TAS2R1: variants seen among roughly 807,000 people sequenced by gnomAD.
The protein encoded by TAS2R1 is taste receptor type 2 member 1.
For missense variants in TAS2R1, 370 were observed against 353.4 expected, an observed-to-expected ratio of 1.05 and a Z score of -0.38; for synonymous variants, 141 against 134.2, an observed-to-expected ratio of 1.05 and a Z score of -0.35.
At chr5:9,869,523 G>A in the TAS2R1 span, among the ~76,000 whole-genome samples, 87 of 152,276 alleles carry the variant, frequency 5.7e-4, 2 homozygotes, top group East Asian at 6.0e-3. Context: ...GATTATGAGA[G>A]CTACAATTCA....
the TAS2R1 span, among the ~76,000 whole-genome samples, chr5:9,782,201 G>A: frequency 6.6e-6 from 1 of 152,318 alleles, no homozygotes; most frequent in East Asian, 1.9e-4. Context: ...GCAAATACTT[G>A]TTGGGGACTT....
chr5:9,794,014 T>C, the TAS2R1 span, among the ~76,000 whole-genome samples: 10 of 152,230 alleles, frequency 6.6e-5, 1 homozygote, highest in South Asian at 2.1e-3. Flanking sequence ...AATTAATACT[T>C]TGTGTTGAAT....
chr5:9,696,132 T>TC (rs199748313), intron 1 of TAS2R1, among the ~76,000 whole-genome samples: 1 of 151,998 alleles, frequency 6.6e-6, no homozygotes, highest in African/African-American at 2.4e-5. Flanking sequence ...GAGTCAATAT[T>TC]CAAAAAAAAA....
At chr5:9,650,156 T>C (rs1243463281) in intron 2 of TAS2R1, among the ~76,000 whole-genome samples, 4 of 152,158 alleles carry the variant, frequency 2.6e-5, no homozygotes, top group African/African-American at 4.8e-5. Context: ...AAGAATACAA[T>C]AGAAAAATTT....
intron 1 of TAS2R1, among the ~76,000 whole-genome samples, chr5:9,696,558 T>C (rs1164283883): frequency 6.6e-6 from 1 of 151,384 alleles, no homozygotes; most frequent in Non-Finnish European, 1.5e-5. Flanking sequence ...CGAGATGCCA[T>C]CTCAAAAAAT....
intron 1 of TAS2R1, among the ~76,000 whole-genome samples, chr5:9,706,600 C>A (rs991715281): frequency 6.6e-6 from 1 of 152,142 alleles, no homozygotes; most frequent in East Asian, 1.9e-4. Flanking sequence ...TTAAGGGAGA[C>A]AAAACATCAG....
chr5:9,875,084 G>T, the TAS2R1 span, among the ~76,000 whole-genome samples: 2 of 152,190 alleles, frequency 1.3e-5, no homozygotes, highest in Non-Finnish European at 2.9e-5. Context: ...TCTACTGTGT[G>T]CAACAGGGTA....
the TAS2R1 span, among the ~76,000 whole-genome samples, chr5:9,858,592 C>T: frequency 6.6e-6 from 1 of 152,174 alleles, no homozygotes; most frequent in Admixed American, 6.5e-5. Context: ...ATAATCTAAA[C>T]TACATTGTTT....
chr5:9,722,298 T>A, the TAS2R1 span, among the ~76,000 whole-genome samples: 22 of 152,224 alleles, frequency 1.4e-4, no homozygotes, highest in Non-Finnish European at 2.1e-4. Flanking sequence ...GTGCCCAGAT[T>A]CCTGACCCAT....
chr5:9,629,347 G>A lies in TAS2R1; in HGVS notation c.686C>T (p.Ser229Phe). 3 of 1,613,920 alleles carry A rather than the reference G, an allele frequency of 1.9e-6. No individual in the cohort carries two copies. The highest frequency in any genetic ancestry group is 2.5e-6 in the Non-Finnish European group (3 of 1,179,920). ...GRGAPISALL[S>F]ILSFLILYFS... ...GTAGAGGATCAGGAAGGACAGGATA[G>A]ACAGCAACGCGCTGATGGGTGCACC... is the stretch of plus-strand genomic sequence containing the variant. The change falls in exon 1 of 1, where the codon TCT (serine) becomes TTT (phenylalanine). Residue 229 changes from serine to phenylalanine, a missense_variant. Coordinates refer to ENST00000382492, the MANE Select transcript of TAS2R1 (RefSeq NM_019599.3).
chr5:9,839,029 C>T, the TAS2R1 span, among the ~76,000 whole-genome samples: 1 of 152,220 alleles, frequency 6.6e-6, no homozygotes, highest in Non-Finnish European at 1.5e-5. Flanking sequence ...TTTTAAAAGT[C>T]AAATCCTTGA....
chr5:9,857,154 A>G, the TAS2R1 span, among the ~76,000 whole-genome samples: 1 of 152,212 alleles, frequency 6.6e-6, no homozygotes, highest in Non-Finnish European at 1.5e-5. Context: ...GGGAAGTGAG[A>G]AGGAGGAGAT....
At chr5:9,672,335 G>C (rs1331399547) in intron 1 of TAS2R1, among the ~76,000 whole-genome samples, 2 of 151,956 alleles carry the variant, frequency 1.3e-5, no homozygotes, top group African/African-American at 4.8e-5. Flanking sequence ...ACAATCAACA[G>C]AGTAAAAGAC....
chr5:9,789,998 C>A, the TAS2R1 span, among the ~76,000 whole-genome samples: 1 of 152,178 alleles, frequency 6.6e-6, no homozygotes. Flanking sequence ...AGGCCTCTGC[C>A]CAGAAGAAAC....
chr5:9,633,294 T>TATATATATATATTTATATATATA (rs1476544403), upstream of TAS2R1, among the ~76,000 whole-genome samples: 1 of 67,798 alleles, frequency 1.5e-5, no homozygotes, highest in African/African-American at 7.1e-5. Context: ...TGTGTGTATA[T>TATATATATATATTTATATATATA]TATATATATA....
intron 1 of TAS2R1, among the ~76,000 whole-genome samples, chr5:9,709,494 T>G (rs1478008782): frequency 6.6e-6 from 1 of 152,130 alleles, no homozygotes; most frequent in African/African-American, 2.4e-5. Flanking sequence ...TTTATACCCT[T>G]ATGAAGTCCC....
At chr5:9,876,167 C>T in the TAS2R1 span, among the ~76,000 whole-genome samples, 137,966 of 151,542 alleles carry the variant, frequency 0.91, 62,919 homozygotes, top group Non-Finnish European at 0.94. Context: ...CTGGAACTCA[C>T]GAGCCCAGCT....
At chr5:9,815,893 G>T in the TAS2R1 span, among the ~76,000 whole-genome samples, 1 of 152,108 alleles carries the variant, frequency 6.6e-6, no homozygotes, top group Non-Finnish European at 1.5e-5. Flanking sequence ...ATGAGAAGTG[G>T]TCACCCTCTT....
Position 9,628,945 on chromosome 5 carries a change from G to A in TAS2R1, c.*188C>T. ...GATGTAATCCATCAACATATGTTGT[G>A]CTTTCAAAATCAGTTTAACTGCTTG... On this transcript the variant is annotated 3_prime_UTR_variant, in exon 1 of 1. Transcript: ENST00000382492. 1 of 509,400 alleles carries A rather than the reference G, an allele frequency of 2.0e-6. No individual in the cohort carries two copies. 31.6% of individuals were successfully genotyped at this position (509,400 alleles called of 1,614,324 possible). A position where few individuals can be genotyped will look rare whatever the true frequency, so the allele number is the denominator to read the frequency against.
Sources: allele counts gnomAD v4.1 joint callset (sites outside exome capture counted in the v4.1 genomes callset), GRCh38; gene constraint gnomAD v4.1.1; transcripts MANE v1.5; gene names NCBI Gene and HGNC (gene_info 2026-07-23, HGNC 2026-07-21).